SLC12A2: variants seen among roughly 807,000 people sequenced by gnomAD.
SLC12A2 encodes the protein solute carrier family 12 member 2.
SLC12A2 carries 67 observed loss-of-function variants against 136.3 expected under a neutral mutation model. The observed-to-expected ratio is 0.49, with a 90% CI of 0.40 to 0.60. The LOEUF (loss-of-function observed/expected upper bound fraction) is 0.60. SLC12A2 is among the 20% of genes least tolerant of loss of function. The probability of loss-of-function intolerance (pLI) is 0.00; values close to 1 mark genes in which losing one functional copy is unlikely to be tolerated. For missense variants in SLC12A2, 1,322 were observed against 1,534.7 expected, an observed-to-expected ratio of 0.86 and a Z score of 2.32; for synonymous variants, 619 against 562.9, an observed-to-expected ratio of 1.10 and a Z score of -1.41.
rs1172311807 is a variant in SLC12A2 at position 128,177,172 on chromosome 5, T to G, written c.2977+20T>G. 1 of 1,577,574 alleles carries G rather than the reference T, an allele frequency of 6.3e-7. No homozygotes were observed. Among genetic ancestry groups the G allele is most frequent in the Non-Finnish European group, 8.6e-7 (1 of 1,160,046 alleles). On this transcript the variant is annotated intron_variant, in intron 21 of 26. Coordinates refer to ENST00000262461, the MANE Select transcript of SLC12A2 (RefSeq NM_001046.3). ...AAAAAGGCAGGCATTTTTCATCATT[T>G]TATTTTAAACCCTTTTTCATACTGT... is the stretch of plus-strand genomic sequence containing the variant.
intron 1 of SLC12A2, among the ~76,000 whole-genome samples, chr5:128,108,863 GGTTA>G (rs1241888296): frequency 6.6e-6 from 1 of 152,110 alleles, no homozygotes; most frequent in East Asian, 1.9e-4. Context: ...TTATGGGGTT[GGTTA>G]GTTCCATTTT....
intron 21 of SLC12A2, among the ~76,000 whole-genome samples, chr5:128,178,195 A>G (rs1468144104): frequency 1.3e-5 from 2 of 152,216 alleles, no homozygotes; most frequent in African/African-American, 4.8e-5. Flanking sequence ...GTTTCACAGA[A>G]CAGGTATAAA....
intron 17 of SLC12A2, among the ~76,000 whole-genome samples, chr5:128,165,220 T>G (rs929824975): frequency 6.6e-6 from 1 of 152,226 alleles, no homozygotes; most frequent in Admixed American, 6.5e-5. Context: ...CAAAGGACAT[T>G]AGCATTGCTA....
intron 16 of SLC12A2, among the ~76,000 whole-genome samples, chr5:128,160,285 T>C (rs1421772246): frequency 6.6e-6 from 1 of 152,086 alleles, no homozygotes; most frequent in East Asian, 1.9e-4. Flanking sequence ...AAATACCTAA[T>C]GTAGGTGACA....
At chr5:128,183,427 G>A (rs1172720212) in intron 24 of SLC12A2, among the ~76,000 whole-genome samples, 1 of 151,710 alleles carries the variant, frequency 6.6e-6, no homozygotes, top group Non-Finnish European at 1.5e-5. Context: ...GATTAATGTT[G>A]AATCAATATG....
rs151077380 is a variant in SLC12A2 at position 128,137,553 on chromosome 5, A to G, written c.1409-1044A>G. On this transcript the variant is annotated intron_variant, in intron 7 of 26. Transcript: ENST00000262461. ...TTACCTGTTATTTTGGTCATTTGCTATTGAGACTCTTAAATTCCATGAAGG... is the reference window on the plus strand; with the variant it reads ...TTACCTGTTATTTTGGTCATTTGCTGTTGAGACTCTTAAATTCCATGAAGG... Among the ~76,000 whole-genome samples the G allele has an allele frequency of 2.5e-3, 382 of 152,274 alleles. 1 individual carries two copies. Among genetic ancestry groups the G allele is most frequent in the Non-Finnish European group, 4.5e-3 (307 of 68,010 alleles).
intron 14 of SLC12A2, among the ~76,000 whole-genome samples, chr5:128,151,752 GCTGT>G (rs1257252132): frequency 7.9e-5 from 12 of 152,070 alleles, no homozygotes; most frequent in African/African-American, 2.7e-4. Flanking sequence ...TACTGTAGTA[GCTGT>G]ATAGCCTAAT....
intron 1 of SLC12A2, among the ~76,000 whole-genome samples, chr5:128,105,964 G>A (rs114557774): frequency 0.017 from 2,541 of 152,180 alleles, 59 homozygotes; most frequent in African/African-American, 0.054. Context: ...GATTCAACAT[G>A]TTCAACTGAA....
chr5:128,149,682 TA>T (rs1762638458), intron 12 of SLC12A2, among the ~76,000 whole-genome samples: 3 of 151,880 alleles, frequency 2.0e-5, no homozygotes. Context: ...ATGTAACTTT[TA>T]AAACACCCAA....
intron 15 of SLC12A2, among the ~76,000 whole-genome samples, chr5:128,157,289 T>C (rs1561693055): frequency 6.6e-6 from 1 of 152,172 alleles, no homozygotes. Context: ...ATCAGTGATT[T>C]CCATTTCCAG....
intron 1 of SLC12A2, among the ~76,000 whole-genome samples, chr5:128,091,625 T>C (rs1760324680): frequency 6.6e-6 from 1 of 152,178 alleles, no homozygotes; most frequent in South Asian, 2.1e-4. Flanking sequence ...GCTGAGGCCC[T>C]CCTTTGTCTT....
At chr5:128,169,184 A>AGG (rs1485695497) in intron 18 of SLC12A2, 10 of 152,084 alleles carry the variant, frequency 6.6e-5, no homozygotes, top group Non-Finnish European at 1.3e-4. Flanking sequence ...TTCTCATCCT[A>AGG]AGCACTGATG....
intron 13 of SLC12A2, 45 bp from the exon 14 acceptor site, chr5:128,151,196 G>T: frequency 1.9e-6 from 3 of 1,547,708 alleles, no homozygotes; most frequent in Non-Finnish European, 2.6e-6. Context: ...ATTGTGTAAA[G>T]CAGATGAGGT....
chr5:128,102,596 CTTTTTTTTTTT>C (rs70997362), intron 1 of SLC12A2, among the ~76,000 whole-genome samples: 47 of 40,450 alleles, frequency 1.2e-3, no homozygotes, highest in South Asian at 4.8e-3. Context: ...CCCCCCCCGC[CTTTTTTTTTTT>C]TTTTTTTTTT....
At chr5:128,117,387 A>G (rs1301763427) in intron 4 of SLC12A2, among the ~76,000 whole-genome samples, 1 of 152,180 alleles carries the variant, frequency 6.6e-6, no homozygotes, top group Non-Finnish European at 1.5e-5. Context: ...AAAAAATCTC[A>G]CTTTTCACCT....
intron 18 of SLC12A2, 84 bp downstream of exon 18, chr5:128,167,951 C>G: frequency 2.9e-6 from 2 of 684,170 alleles, no homozygotes; most frequent in East Asian, 6.1e-5. Flanking sequence ...GAGACTGTTT[C>G]TCATATAGTC....
In SLC12A2 at chr5:128,084,843, A is replaced by C; in HGVS notation, c.756+133A>C. ...ACGACTTGCTGGCATCTCTGGATTC[A>C]GCTGTCAAGGGTGGAATTGCCGAGG... On this transcript the variant is annotated intron_variant, in intron 1 of 26. Transcript: ENST00000262461. The surrounding 1 kb of genome is among the most constrained non-coding windows in gnomAD (Gnocchi z 5.6). The C allele has an allele frequency of 9.4e-7, 1 of 1,058,736 alleles. No homozygotes were observed. Among genetic ancestry groups the C allele is most frequent in the Non-Finnish European group, 1.3e-6 (1 of 755,812 alleles). 65.6% of individuals were successfully genotyped at this position (1,058,736 alleles called of 1,614,324 possible).
intron 10 of SLC12A2, among the ~76,000 whole-genome samples, chr5:128,143,372 TAAC>T (rs753361154): frequency 6.6e-6 from 1 of 152,162 alleles, no homozygotes; most frequent in Non-Finnish European, 1.5e-5. Flanking sequence ...ATTTAACATT[TAAC>T]AACAGAATTT....
Position 128,131,175 on chromosome 5 carries a change from G to C in SLC12A2, c.1157G>C (p.Gly386Ala). The C allele has an allele frequency of 1.2e-6, 2 of 1,614,076 alleles. No homozygotes were observed. The highest frequency in any genetic ancestry group is 1.7e-6 in the Non-Finnish European group (2 of 1,179,998). Residue 386 changes from glycine to alanine, a missense_variant, in exon 5 of 27, where the codon GGA becomes GCA. Gly to Ala is a moderately conservative substitution (Grantham distance 60). Transcript: ENST00000262461. ...NAVAVAMYVV[G>A]FAETVVELLK... Reference sequence around the variant, plus strand: ...GTTGCAGTTGCTATGTATGTGGTTGGATTTGCAGAAACCGTGGTGGAGTTG... The same window carrying C: ...GTTGCAGTTGCTATGTATGTGGTTGCATTTGCAGAAACCGTGGTGGAGTTG...
Sources: gnomAD v4.1 joint callset for allele counts (sites outside exome capture counted in the v4.1 genomes callset) on GRCh38, gnomAD v4.1.1 for gene constraint, Gnocchi (gnomAD v3.1) non-coding constraint, MANE v1.5 for transcripts, NCBI Gene and HGNC (gene_info 2026-07-23, HGNC 2026-07-21) for gene names.